Variants in CADPS2 observed in about 807,000 individuals in gnomAD.
CADPS2 encodes the protein calcium dependent secretion activator 2.
A neutral mutation model predicts 172.5 loss-of-function variants in CADPS2; 93 were observed. The observed-to-expected ratio is 0.54, with a 90% confidence interval of 0.46 to 0.64. CADPS2 has a LOEUF of 0.64. Ranked by LOEUF, CADPS2 falls within the 30% of genes least tolerant of loss-of-function variation. The pLI is 0.00. For synonymous variants in CADPS2, 546 were observed against 555.2 expected (o/e 0.98, Z 0.23); for missense variants, 1,420 against 1,565.9 (o/e 0.91, Z 1.57).
chr7:122,787,881 G>T (rs1794409122), intron 1 of CADPS2, among the ~76,000 whole-genome samples: 1 of 152,084 alleles, frequency 6.6e-6, no homozygotes, highest in Non-Finnish European at 1.5e-5. Flanking sequence ...CATTAAATAG[G>T]CTCCCAAGGT....
At chr7:122,676,334 G>A (rs1044827948) in intron 2 of CADPS2, among the ~76,000 whole-genome samples, 2 of 152,114 alleles carry the variant, frequency 1.3e-5, no homozygotes, top group Non-Finnish European at 2.9e-5. Context: ...ACACTACAGA[G>A]AAACTGCCAG....
chr7:122,605,228 T>C (rs1185970840), intron 6 of CADPS2, among the ~76,000 whole-genome samples: 2 of 152,032 alleles, frequency 1.3e-5, no homozygotes, highest in Admixed American at 1.3e-4. Context: ...GGTGAGTAAA[T>C]GTGAAGGCCT....
rs1160792944 is a variant in CADPS2, at chr7:122,698,504, C to T, written c.454-34935G>A. ...AATGCCTGATGAAACATGGGGAACA[C>T]CTGGTTGCCAGTACCTGGAACGTTA... On this transcript the variant is annotated intron_variant, in intron 2 of 29. Coordinates refer to ENST00000449022, the MANE Select transcript of CADPS2 (RefSeq NM_017954.11). 12 of 1,613,854 alleles carry T rather than the reference C, an allele frequency of 7.4e-6. No individual in the cohort carries two copies. The South Asian group carries it at 1.2e-4, about 16-fold the overall frequency.
chr7:122,716,267 C>CCTTA (rs1167915574), intron 2 of CADPS2, among the ~76,000 whole-genome samples: 3 of 152,038 alleles, frequency 2.0e-5, no homozygotes, highest in East Asian at 3.9e-4. Flanking sequence ...CTGCCTCGGA[C>CCTTA]CTTACTGGGG....
chr7:122,334,600 C>T (rs1222433292), intron 28 of CADPS2, among the ~76,000 whole-genome samples: 1 of 152,210 alleles, frequency 6.6e-6, no homozygotes, highest in Non-Finnish European at 1.5e-5. Flanking sequence ...TCTTATCTCA[C>T]AGTCACGTCA....
intron 1 of CADPS2, among the ~76,000 whole-genome samples, chr7:122,847,037 G>A (rs940872793): frequency 6.6e-6 from 1 of 152,164 alleles, no homozygotes; most frequent in African/African-American, 2.4e-5. Flanking sequence ...GAAAGCCACT[G>A]CTCTAATCAC....
At chr7:122,811,387 G>C (rs867875125) in intron 1 of CADPS2, among the ~76,000 whole-genome samples, 1 of 152,050 alleles carries the variant, frequency 6.6e-6, no homozygotes. Context: ...AATTATCTTT[G>C]GATATGTTGA....
chr7:122,739,698 A>G (rs2092369947), intron 1 of CADPS2, among the ~76,000 whole-genome samples: 1 of 152,200 alleles, frequency 6.6e-6, no homozygotes, highest in South Asian at 2.1e-4. Flanking sequence ...TGAATACTTT[A>G]TTAGCATAAA....
At chr7:122,565,193 T>G (rs2066293828) in intron 7 of CADPS2, among the ~76,000 whole-genome samples, 1 of 151,554 alleles carries the variant, frequency 6.6e-6, no homozygotes, top group African/African-American at 2.4e-5. Flanking sequence ...TATAACCATG[T>G]AACACGACTG....
chr7:122,574,445 T>TTAAA (rs1458311901), intron 7 of CADPS2, among the ~76,000 whole-genome samples: 1 of 37,978 alleles, frequency 2.6e-5, no homozygotes, highest in African/African-American at 1.1e-4. Flanking sequence ...GACCCTGTCT[T>TTAAA]AAAAAAAAAA....
intron 7 of CADPS2, among the ~76,000 whole-genome samples, chr7:122,579,075 A>C (rs1484570535): frequency 6.6e-6 from 1 of 152,136 alleles, no homozygotes; most frequent in East Asian, 1.9e-4. Context: ...TGAGTACGGA[A>C]GTTGGATACA....
At chr7:122,527,582 TAGAG>T (rs35881192) in intron 8 of CADPS2, among the ~76,000 whole-genome samples, 1,434 of 91,578 alleles carry the variant, frequency 0.016, 18 homozygotes, top group African/African-American at 0.034. Context: ...TAATACTGAA[TAGAG>T]AGAGAGAGAG....
At chr7:122,772,762 C>T (rs951604956) in intron 1 of CADPS2, among the ~76,000 whole-genome samples, 9 of 152,096 alleles carry the variant, frequency 5.9e-5, no homozygotes, top group African/African-American at 2.2e-4. Flanking sequence ...TGTCAGTTCT[C>T]AAATCCACAT....
chr7:122,632,332 A>C (rs1485288352), intron 3 of CADPS2, among the ~76,000 whole-genome samples: 1 of 152,176 alleles, frequency 6.6e-6, no homozygotes, highest in Non-Finnish European at 1.5e-5. Flanking sequence ...ACAGAATACA[A>C]ACATTTGCTT....
intron 1 of CADPS2, among the ~76,000 whole-genome samples, chr7:122,771,446 C>T (rs1043529954): frequency 1.3e-5 from 2 of 152,128 alleles, no homozygotes; most frequent in African/African-American, 4.8e-5. Flanking sequence ...CATCCTATCA[C>T]CCAACAAATA....
rs5887085 is a variant in CADPS2, at chr7:122,349,085, GT to G, written c.3505-3405del. Among the ~76,000 whole-genome samples the G allele has an allele frequency of 5.9e-5, 9 of 151,570 alleles. No homozygotes were observed. In the South Asian group the frequency reaches 8.3e-4, roughly 14 times the overall value. ...AAGTATGCTAGTACATTTTTGTGGG[GT>G]TTTTTTTGGTGTGTACATGAAGACA... On this transcript the variant is annotated intron_variant, in intron 27 of 29. Transcript: ENST00000449022.
chr7:122,841,395 T>C (rs1034090806), intron 1 of CADPS2, among the ~76,000 whole-genome samples: 2 of 152,186 alleles, frequency 1.3e-5, no homozygotes, highest in Non-Finnish European at 2.9e-5. Flanking sequence ...GTTTAACATA[T>C]GCTAAATTAG....
intron 2 of CADPS2, among the ~76,000 whole-genome samples, chr7:122,734,858 A>G (rs937035925): frequency 3.3e-5 from 5 of 152,142 alleles, no homozygotes; most frequent in Admixed American, 2.6e-4. Flanking sequence ...AGACGTGCAC[A>G]AAGACATGTT....
chr7:122,495,571 T>G (rs922004968), intron 9 of CADPS2, among the ~76,000 whole-genome samples: 1 of 152,196 alleles, frequency 6.6e-6, no homozygotes, highest in African/African-American at 2.4e-5. Context: ...TGTCCTTCAC[T>G]TTTTTTCACT....
Sources: gnomAD v4.1 joint callset for allele counts (sites outside exome capture counted in the v4.1 genomes callset) on GRCh38, gnomAD v4.1.1 for gene constraint, MANE v1.5 for transcripts, NCBI Gene and HGNC (gene_info 2026-07-23, HGNC 2026-07-21) for gene names.